TNNI3K: variants seen among roughly 807,000 people sequenced by gnomAD.
The protein encoded by TNNI3K is serine/threonine-protein kinase TNNI3K.
Under a neutral mutation model 114.5 loss-of-function variants are expected in TNNI3K, and 140 were observed. The observed-to-expected ratio is 1.22, with a 90% CI of 1.07 to 1.41. The LOEUF is 1.41. Ranked by LOEUF, TNNI3K falls within the 40% of genes most tolerant of loss-of-function variation. The pLI, the probability that TNNI3K is intolerant of heterozygous loss-of-function variation, is 0.00. For missense variants in TNNI3K, 1,125 were observed against 1,007.6 expected, an observed-to-expected ratio of 1.12 and a Z score of -1.58; for synonymous variants, 347 against 347.5, an observed-to-expected ratio of 1.00 and a Z score of 0.02.
At chr1:74,248,290 CCT>C (rs1654712650) in intron 2 of TNNI3K, among the ~76,000 whole-genome samples, 2 of 152,032 alleles carry the variant, frequency 1.3e-5, no homozygotes, top group Non-Finnish European at 2.9e-5. Flanking sequence ...CACTCCACTC[CCT>C]CCACACCTCC....
chr1:74,243,547 T>G (rs1406561744), intron 2 of TNNI3K, among the ~76,000 whole-genome samples: 1 of 152,178 alleles, frequency 6.6e-6, no homozygotes, highest in African/African-American at 2.4e-5. Context: ...AGTGTGTTAC[T>G]TTTTGGCCAA....
chr1:74,363,862 A>T (rs1662108094), intron 11 of TNNI3K, among the ~76,000 whole-genome samples: 1 of 151,838 alleles, frequency 6.6e-6, no homozygotes, highest in Admixed American at 6.6e-5. Flanking sequence ...TTCCAAAAGC[A>T]CTATAGGTCC....
intron 20 of TNNI3K, among the ~76,000 whole-genome samples, chr1:74,442,498 G>A (rs1284724097): frequency 6.6e-6 from 1 of 151,928 alleles, no homozygotes; most frequent in Admixed American, 6.6e-5. Context: ...CCTATAAAAA[G>A]CTTGTTGGAA....
At chr1:74,533,177 G>A (rs1027085157) in intron 23 of TNNI3K, among the ~76,000 whole-genome samples, 4 of 152,040 alleles carry the variant, frequency 2.6e-5, no homozygotes, top group East Asian at 3.9e-4. Context: ...CTGACAAAGG[G>A]CTAATATCCA....
chr1:74,507,972 A>G (rs1043859231), intron 23 of TNNI3K, among the ~76,000 whole-genome samples: 1 of 152,216 alleles, frequency 6.6e-6, no homozygotes, highest in Admixed American at 6.5e-5. Context: ...CAAACATAGT[A>G]TAATATTTCT....
intron 6 of TNNI3K, among the ~76,000 whole-genome samples, chr1:74,335,528 G>T (rs546374940): frequency 1.8e-4 from 28 of 152,194 alleles, no homozygotes; most frequent in Non-Finnish European, 3.8e-4. Context: ...CAGCCACTGT[G>T]TGTTAGATCT....
chr1:74,520,028 T>C (rs888646443), intron 23 of TNNI3K, among the ~76,000 whole-genome samples: 1 of 152,200 alleles, frequency 6.6e-6, no homozygotes, highest in Non-Finnish European at 1.5e-5. Flanking sequence ...CATAAGTTTT[T>C]GGGGAACAGG....
intron 4 of TNNI3K, among the ~76,000 whole-genome samples, chr1:74,266,234 A>G (rs546322279): frequency 1.1e-4 from 16 of 152,116 alleles, no homozygotes; most frequent in Admixed American, 5.2e-4. Context: ...CACTGACTGG[A>G]ATAAGTGTAA....
intron 23 of TNNI3K, among the ~76,000 whole-genome samples, chr1:74,525,141 C>T (rs776725590): frequency 1.3e-5 from 2 of 151,910 alleles, no homozygotes; most frequent in Non-Finnish European, 2.9e-5. Flanking sequence ...AAGCTGAGGC[C>T]TGAAAGATAA....
chr1:74,484,203 C>T (rs1247778446), intron 21 of TNNI3K, among the ~76,000 whole-genome samples: 1 of 117,600 alleles, frequency 8.5e-6, no homozygotes, highest in Non-Finnish European at 1.8e-5. Flanking sequence ...AATATCTTCC[C>T]TGGTTGATTA....
chr1:74,343,003 A>T lies in TNNI3K; in HGVS notation c.827+17A>T. ...CTTACACCTGTGAGTATTATGTAGC[A>T]TTCCATAGGTTCTCCAGGTATACTG... On this transcript the variant is annotated intron_variant, in intron 8 of 24. Transcript: ENST00000326637. 6.2e-7 allele frequency: 1 copy of T among 1,613,724 alleles called. No individual in the cohort carries two copies. Among genetic ancestry groups the T allele is most frequent in the Non-Finnish European group, 8.5e-7 (1 of 1,179,802 alleles).
intron 5 of TNNI3K, among the ~76,000 whole-genome samples, chr1:74,303,883 A>ACTT (rs1208446484): frequency 6.6e-6 from 1 of 152,176 alleles, no homozygotes; most frequent in Non-Finnish European, 1.5e-5. Context: ...CTCAAGGATG[A>ACTT]CTTTGAGGGA....
chr1:74,377,586 C>T (rs961541642), intron 17 of TNNI3K, among the ~76,000 whole-genome samples: 4 of 151,926 alleles, frequency 2.6e-5, no homozygotes, highest in African/African-American at 9.7e-5. Flanking sequence ...AATAGATACA[C>T]ATATAAAGAG....
chr1:74,347,116 C>A (rs935581031), intron 9 of TNNI3K, among the ~76,000 whole-genome samples: 1 of 151,390 alleles, frequency 6.6e-6, no homozygotes, highest in Non-Finnish European at 1.5e-5. Context: ...CCTCATTTAT[C>A]ATTACGTATA....
intron 4 of TNNI3K, among the ~76,000 whole-genome samples, chr1:74,259,374 G>A (rs992710019): frequency 2.0e-5 from 3 of 152,210 alleles, no homozygotes; most frequent in African/African-American, 7.2e-5. Context: ...GGATGTCTCA[G>A]CTGAAATAAA....
At chr1:74,422,998 A>G (rs942069680) in intron 17 of TNNI3K, among the ~76,000 whole-genome samples, 27 of 152,112 alleles carry the variant, frequency 1.8e-4, no homozygotes, top group African/African-American at 6.5e-4. Context: ...TGATCACATA[A>G]AGACATCATC....
chr1:74,493,191 C>T (rs1046106320), intron 23 of TNNI3K, among the ~76,000 whole-genome samples: 2 of 152,124 alleles, frequency 1.3e-5, no homozygotes, highest in Non-Finnish European at 2.9e-5. Flanking sequence ...CAAATGGGTG[C>T]TTCTAGGGGA....
At chr1:74,398,330 T>C (rs1047198330) in intron 17 of TNNI3K, among the ~76,000 whole-genome samples, 1 of 152,136 alleles carries the variant, frequency 6.6e-6, no homozygotes, top group Non-Finnish European at 1.5e-5. Flanking sequence ...AGAGAACTGA[T>C]GTCCAAACTG....
At chr1:74,448,273 A>T in intron 20 of TNNI3K, among the ~76,000 whole-genome samples, 1 of 125,422 alleles carries the variant, frequency 8.0e-6, no homozygotes, top group Non-Finnish European at 1.7e-5. Flanking sequence ...AAAAAAAAAA[A>T]AAAAAAAAAA....
Sources: allele counts gnomAD v4.1 joint callset (sites outside exome capture counted in the v4.1 genomes callset), GRCh38; gene constraint gnomAD v4.1.1; transcripts MANE v1.5; gene names NCBI Gene and HGNC (gene_info 2026-07-23, HGNC 2026-07-21).